The following FOXP1 variants were observed in gnomAD, a reference collection of about 807,000 sequenced individuals.
FOXP1 encodes the protein forkhead box protein P1.
Under a neutral mutation model 98.2 loss-of-function variants are expected in FOXP1, and 15 were observed. The observed-to-expected ratio is 0.15, with a 90% CI of 0.10 to 0.24. The LOEUF is 0.24. Ranked by LOEUF, FOXP1 falls within the 10% of genes least tolerant of loss-of-function variation. The probability of loss-of-function intolerance (pLI) is 1.00; values close to 1 mark genes in which losing one functional copy is unlikely to be tolerated. For synonymous variants in FOXP1, 371 were observed against 314.5 expected (o/e 1.18, Z -1.90); for missense variants, 633 against 848.5 (o/e 0.75, Z 3.15).
intron 5 of FOXP1, among the ~76,000 whole-genome samples, chr3:71,261,250 TC>T (rs1439638773): frequency 6.6e-6 from 1 of 152,188 alleles, no homozygotes; most frequent in Non-Finnish European, 1.5e-5. Context: ...ATTTAATAAA[TC>T]GATATAAATA....
intron 19 of FOXP1, chr3:70,969,523 C>CTGTT (rs2035728411): frequency 6.6e-6 from 1 of 152,064 alleles, no homozygotes; most frequent in South Asian, 2.1e-4. Context: ...CCATAAATAT[C>CTGTT]TGTTTAATGT....
chr3:71,510,359 C>A (rs531234195), intron 2 of FOXP1, among the ~76,000 whole-genome samples: 1 of 151,300 alleles, frequency 6.6e-6, no homozygotes, highest in East Asian at 1.9e-4. Flanking sequence ...TGCCTGTAAT[C>A]CCAGCTACTT....
At chr3:71,479,851 C>T (rs916667819) in intron 3 of FOXP1, among the ~76,000 whole-genome samples, 2 of 152,082 alleles carry the variant, frequency 1.3e-5, no homozygotes, top group Non-Finnish European at 2.9e-5. Context: ...CTTTTCTAAC[C>T]GAAGTCTCCA....
chr3:71,304,092 C>G (rs1198641707), intron 4 of FOXP1, among the ~76,000 whole-genome samples: 2 of 152,202 alleles, frequency 1.3e-5, no homozygotes, highest in Non-Finnish European at 1.5e-5. Context: ...GGGCCCTCAT[C>G]AGATCATAGT....
At chr3:71,113,389 C>T (rs1350934080) in intron 6 of FOXP1, among the ~76,000 whole-genome samples, 1 of 152,132 alleles carries the variant, frequency 6.6e-6, no homozygotes, top group Non-Finnish European at 1.5e-5. Flanking sequence ...AGGAAGAAAA[C>T]AGAAGAGTCC....
At chr3:71,128,922 C>T (rs1026799328) in intron 6 of FOXP1, among the ~76,000 whole-genome samples, 1 of 151,962 alleles carries the variant, frequency 6.6e-6, no homozygotes, top group African/African-American at 2.4e-5. Flanking sequence ...ATATAATTTC[C>T]TTTTATCATA....
intron 5 of FOXP1, among the ~76,000 whole-genome samples, chr3:71,234,426 T>A (rs1474437901): frequency 6.6e-6 from 1 of 152,188 alleles, no homozygotes; most frequent in Non-Finnish European, 1.5e-5. Context: ...CCTTCACCCT[T>A]GCAAAAGAAC....
intron 11 of FOXP1, among the ~76,000 whole-genome samples, chr3:71,034,493 G>A (rs562807079): frequency 3.0e-4 from 46 of 151,684 alleles, no homozygotes; most frequent in Non-Finnish European, 5.9e-4. Flanking sequence ...ACAAAGGGGA[G>A]AATACCCCAT....
chr3:71,065,050 G>GC (rs1380800568), intron 7 of FOXP1: 1 of 137,352 alleles, frequency 7.3e-6, no homozygotes, highest in Non-Finnish European at 1.6e-5. Flanking sequence ...GCCGCGCCGC[G>GC]CCCCACACAA....
At chr3:71,406,887 C>T (rs536610912) in intron 3 of FOXP1, among the ~76,000 whole-genome samples, 5 of 152,194 alleles carry the variant, frequency 3.3e-5, no homozygotes, top group African/African-American at 1.2e-4. Context: ...GAGTATTTTA[C>T]CTGCCCCTGC....
intron 11 of FOXP1, among the ~76,000 whole-genome samples, chr3:71,020,341 T>G (rs1004783017): frequency 3.3e-5 from 5 of 152,166 alleles, no homozygotes; most frequent in African/African-American, 1.2e-4. Flanking sequence ...TAGGATATTT[T>G]GTTCTATTTA....
At chr3:71,568,298 A>C (rs2047071575) in intron 2 of FOXP1, among the ~76,000 whole-genome samples, 1 of 152,174 alleles carries the variant, frequency 6.6e-6, no homozygotes, top group South Asian at 2.1e-4. Flanking sequence ...GTACACTTAG[A>C]TGGATGAGTG....
At chr3:71,138,936 A>C (rs996785873) in intron 6 of FOXP1, among the ~76,000 whole-genome samples, 1 of 152,248 alleles carries the variant, frequency 6.6e-6, no homozygotes, top group African/African-American at 2.4e-5. Context: ...TTTATTACCT[A>C]TAATCACTTA....
At chr3:71,126,580 T>C (rs1575874856) in intron 6 of FOXP1, among the ~76,000 whole-genome samples, 1 of 151,772 alleles carries the variant, frequency 6.6e-6, no homozygotes, top group Admixed American at 6.6e-5. Context: ...TCCCAGCACT[T>C]TGGGAGGCCG....
intron 5 of FOXP1, among the ~76,000 whole-genome samples, chr3:71,282,702 A>G (rs2071699653): frequency 6.6e-6 from 1 of 152,168 alleles, no homozygotes; most frequent in African/African-American, 2.4e-5. Flanking sequence ...CCCAAGATGG[A>G]AACCTGAACT....
At chr3:70,978,830 T>TTTTATTGTGACATTCTTTTACAGAATA (rs2038160795) in intron 14 of FOXP1, among the ~76,000 whole-genome samples, 1 of 152,260 alleles carries the variant, frequency 6.6e-6, no homozygotes, top group Non-Finnish European at 1.5e-5. Context: ...TGTTAATTTT[T>TTTTATTGTGACATTCTTTTACAGAATA]TTTATTGTGA....
chr3:71,474,589 CA>C (rs1388308148), intron 3 of FOXP1, among the ~76,000 whole-genome samples: 2 of 152,124 alleles, frequency 1.3e-5, no homozygotes, highest in Non-Finnish European at 2.9e-5. Context: ...GTCACATAAG[CA>C]GTGGCATTAG....
At chr3:71,247,377 C>T (rs1208199090) in intron 5 of FOXP1, among the ~76,000 whole-genome samples, 4 of 152,050 alleles carry the variant, frequency 2.6e-5, no homozygotes, top group Admixed American at 2.0e-4. Context: ...CAGGGAGAAA[C>T]GACAATGGGA....
chr3:70,965,444 T>C (rs1349889304), intron 20 of FOXP1, among the ~76,000 whole-genome samples: 2 of 152,236 alleles, frequency 1.3e-5, no homozygotes, highest in African/African-American at 4.8e-5. Context: ...CCATCATTAA[T>C]GGTTGGTAAT....
Sources: gnomAD v4.1 joint callset for allele counts (sites outside exome capture counted in the v4.1 genomes callset) on GRCh38, gnomAD v4.1.1 for gene constraint, MANE v1.5 for transcripts, NCBI Gene and HGNC (gene_info 2026-07-23, HGNC 2026-07-21) for gene names.